ANK1: variants seen among roughly 807,000 people sequenced by gnomAD.
The protein encoded by ANK1 is ankyrin 1.
In ANK1, 51 loss-of-function variants were observed where a neutral mutation model predicts 210.4. That is an observed-to-expected ratio of 0.24 (90% CI 0.19 to 0.31). The LOEUF (loss-of-function observed/expected upper bound fraction) is 0.31, where lower values mean the gene tolerates loss of function less well. Ranked by LOEUF, ANK1 falls within the 10% of genes least tolerant of loss-of-function variation. The pLI, the probability that ANK1 is intolerant of heterozygous loss-of-function variation, is 1.00. For synonymous variants in ANK1, 967 were observed against 1,025.9 expected (o/e 0.94, Z 1.10); for missense variants, 2,051 against 2,504.4 (o/e 0.82, Z 3.86).
chr8:41,683,078 GCA>G lies in ANK1; in HGVS notation c.4537+1464_4537+1465del, dbSNP rs375927042. On this transcript the variant is annotated intron_variant, in intron 37 of 42. Coordinates refer to ENST00000289734, the MANE Select transcript of ANK1 (RefSeq NM_000037.4). ...TGCACACGCACACACATGAACACGT[GCA>G]CACACACACACATGCACGCACACAT... 1.1e-3 allele frequency among the ~76,000 whole-genome samples: 162 copies of G among 150,812 alleles called. 1 individual carries two copies. The highest frequency in any genetic ancestry group is 4.5e-3 in the East Asian group (23 of 5,086).
chr8:41,694,557 C>T lies in ANK1; in HGVS notation c.3327+35G>A. 6.3e-7 allele frequency: 1 copy of T among 1,596,698 alleles called. No individual in the cohort carries two copies. The highest frequency in any genetic ancestry group is 8.6e-7 in the Non-Finnish European group (1 of 1,169,112). ...CTTCCCGGAGGCCTGGAGTTCAGTC[C>T]ACCCCCAGGACCTGGCGGGGAGGAG... On this transcript the variant is annotated intron_variant, in intron 28 of 42. Coordinates refer to ENST00000289734, the MANE Select transcript of ANK1 (RefSeq NM_000037.4). The surrounding 1 kb of genome is among the most constrained non-coding windows in gnomAD (Gnocchi z 5.7).
chr8:41,772,706 T>A (rs534896664), intron 1 of ANK1, among the ~76,000 whole-genome samples: 15 of 152,330 alleles, frequency 9.8e-5, no homozygotes, highest in African/African-American at 3.6e-4. Flanking sequence ...GCCCCCACGC[T>A]CCCTGTCCGC....
intron 1 of ANK1, among the ~76,000 whole-genome samples, chr8:41,772,139 C>T (rs1048903478): frequency 2.6e-5 from 4 of 152,188 alleles, no homozygotes; most frequent in Admixed American, 6.5e-5. Context: ...TGGCAATGAC[C>T]GTCGCGCTTA....
intron 9 of ANK1, among the ~76,000 whole-genome samples, chr8:41,720,361 T>C (rs1354054292): frequency 1.3e-5 from 2 of 152,196 alleles, no homozygotes; most frequent in African/African-American, 2.4e-5. Context: ...GAATGAATTA[T>C]GATAAAATAG....
At chr8:41,823,560 A>G (rs1410891870) in intron 1 of ANK1, among the ~76,000 whole-genome samples, 1 of 151,964 alleles carries the variant, frequency 6.6e-6, no homozygotes, top group African/African-American at 2.4e-5. Flanking sequence ...GGAGTTTGAG[A>G]CCAGCCTGGG....
At chr8:41,799,266 G>A (rs1006565496), upstream of ANK1, among the ~76,000 whole-genome samples, 1 of 152,148 alleles carries the variant, frequency 6.6e-6, no homozygotes. Flanking sequence ...CAGCCTCCCC[G>A]AAGGACAGAT....
intron 2 of ANK1, among the ~76,000 whole-genome samples, chr8:41,739,960 C>T (rs1834347769): frequency 6.6e-6 from 1 of 152,048 alleles, no homozygotes; most frequent in Admixed American, 6.6e-5. Flanking sequence ...GGCATGTTCT[C>T]TTTTGTCGTG....
At chr8:41,656,609 T>C (rs1182226663) in intron 42 of ANK1, among the ~76,000 whole-genome samples, 1 of 152,210 alleles carries the variant, frequency 6.6e-6, no homozygotes, top group Admixed American at 6.5e-5. Flanking sequence ...CCACTCATGT[T>C]CTATCTGCAG....
rs1167851392 is a variant in ANK1 at position 41,803,043 on chromosome 8, GAA to G, written c.127-44908_127-44907del. ...AAAGAAAGAAAGAAAGAAAGAAAGA[GAA>G]AGAAAGAAAGAGAGAAAGGAAGGAA... On this transcript the variant is annotated intron_variant, in intron 1 of 42. Coordinates refer to the ANK1 transcript ENST00000265709. 4.7e-3 allele frequency among the ~76,000 whole-genome samples: 274 copies of G among 58,586 alleles called. 1 individual carries two copies. Among genetic ancestry groups the G allele is most frequent in the African/African-American group, 0.017 (231 of 13,656 alleles). 38.4% of individuals were successfully genotyped at this position (58,586 alleles called of 152,430 possible). A position where few individuals can be genotyped will look rare whatever the true frequency, so the allele number is the denominator to read the frequency against.
At chr8:41,734,580 T>G (rs1381703578) in intron 2 of ANK1, among the ~76,000 whole-genome samples, 1 of 152,136 alleles carries the variant, frequency 6.6e-6, no homozygotes, top group Non-Finnish European at 1.5e-5. Flanking sequence ...ATTTCCTCAA[T>G]AGAAAAATCA....
intron 1 of ANK1, among the ~76,000 whole-genome samples, chr8:41,804,721 A>G (rs1850662464): frequency 1.3e-5 from 2 of 152,172 alleles, no homozygotes; most frequent in Admixed American, 1.3e-4. Context: ...CATATTCCAG[A>G]TTCTGAAAAC....
At chr8:41,699,665 G>A in intron 22 of ANK1, 117 bp from the exon 23 acceptor site, 3 of 923,462 alleles carry the variant, frequency 3.2e-6, no homozygotes. Context: ...AGTGGGGAAG[G>A]TCTTGATGCT....
rs1163760815 is a variant in ANK1 at position 41,762,619 on chromosome 8, G to A, written c.28-4482C>T. ...ATATTTCAGAAATGAAGATCAAGCT[G>A]TTGGCTCTCCAGGCATGAGCTGGGT... On this transcript the variant is annotated intron_variant, in intron 1 of 42. Coordinates refer to ENST00000289734, the MANE Select transcript of ANK1 (RefSeq NM_000037.4). 2.0e-5 allele frequency among the ~76,000 whole-genome samples: 3 copies of A among 152,190 alleles called. No individual in the cohort carries two copies. The East Asian group carries it at 5.8e-4, about 29-fold the overall frequency.
chr8:41,715,120 C>T, intron 14 of ANK1, 46 bp from the exon 15 acceptor site: 2 of 1,556,576 alleles, frequency 1.3e-6, no homozygotes, highest in Non-Finnish European at 1.8e-6. Flanking sequence ...CAGGGCTGTC[C>T]TCCCTGGAGA....
intron 1 of ANK1, among the ~76,000 whole-genome samples, chr8:41,810,776 C>A (rs1026088758): frequency 1.3e-5 from 2 of 152,184 alleles, no homozygotes; most frequent in African/African-American, 4.8e-5. Flanking sequence ...ACCACAGGGC[C>A]GGGAGAGCCA....
chr8:41,730,196 C>A (rs918563369), intron 3 of ANK1, among the ~76,000 whole-genome samples: 1 of 152,116 alleles, frequency 6.6e-6, no homozygotes, highest in African/African-American at 2.4e-5. Context: ...GCCGTGTGGC[C>A]CCCCAGCCGC....
chr8:41,668,696 C>A, intron 38 of ANK1, 132 bp from the exon 39 acceptor site: 1 of 1,035,098 alleles, frequency 9.7e-7, no homozygotes, highest in South Asian at 1.7e-5. Context: ...AGACCGTCCT[C>A]CCATCCCTCC....
intron 1 of ANK1, among the ~76,000 whole-genome samples, chr8:41,862,579 A>G (rs1813482677): frequency 6.6e-6 from 1 of 151,628 alleles, no homozygotes; most frequent in Non-Finnish European, 1.5e-5. Context: ...AAGGCTGGGG[A>G]AATGTTTGTT....
intron 1 of ANK1, among the ~76,000 whole-genome samples, chr8:41,883,223 C>A (rs1817900128): frequency 1.3e-5 from 2 of 152,186 alleles, no homozygotes; most frequent in Non-Finnish European, 1.5e-5. Context: ...AGCATGGGGG[C>A]AATGAGATGC....
Sources: gnomAD v4.1 joint callset for allele counts (sites outside exome capture counted in the v4.1 genomes callset) on GRCh38, gnomAD v4.1.1 for gene constraint, Gnocchi (gnomAD v3.1) non-coding constraint, MANE v1.5 for transcripts, NCBI Gene and HGNC (gene_info 2026-07-23, HGNC 2026-07-21) for gene names.